Variants in MED27 observed in about 807,000 individuals in gnomAD.
MED27 encodes the protein mediator complex subunit 27.
Under a neutral mutation model 38.2 loss-of-function variants are expected in MED27, and 30 were observed. The observed-to-expected ratio is 0.79, with a 90% confidence interval of 0.59 to 1.07. MED27 has a LOEUF of 1.07. MED27 is among the 50% of genes least tolerant of loss of function. The pLI is 0.00. For missense variants in MED27, 289 were observed against 397.5 expected (o/e 0.73, Z 2.32); for synonymous variants, 122 against 153.5 (o/e 0.79, Z 1.52).
chr9:132,029,466 T>C (rs547875327), intron 2 of MED27, among the ~76,000 whole-genome samples: 8 of 152,182 alleles, frequency 5.3e-5, no homozygotes, highest in Non-Finnish European at 7.4e-5. Flanking sequence ...AAGAGGCCCA[T>C]ATATCACCAA....
chr9:131,896,193 G>A (rs942981655), intron 4 of MED27, among the ~76,000 whole-genome samples: 24 of 152,212 alleles, frequency 1.6e-4, no homozygotes, highest in African/African-American at 5.8e-4. Context: ...GAGCCACCAC[G>A]CCCGGCCAAG....
intron 2 of MED27, among the ~76,000 whole-genome samples, chr9:132,071,072 G>T (rs1415757707): frequency 3.3e-5 from 5 of 152,172 alleles, no homozygotes; most frequent in Non-Finnish European, 5.9e-5. Flanking sequence ...GCAGCCACTG[G>T]AGAGTACTGA....
Position 131,861,483 on chromosome 9 carries a change from C to T in MED27, c.802-811G>A, listed in dbSNP as rs547729310. On this transcript the variant is annotated intron_variant, in intron 7 of 7. Coordinates refer to ENST00000292035, the MANE Select transcript of MED27 (RefSeq NM_004269.4). The surrounding 1 kb of genome is among the most constrained non-coding windows in gnomAD (Gnocchi z 4.4). ...AAGAGGTTGGCCGAGCTTATTGATACACATTCTTCCATCTTCACCACAGCT... is the reference window on the plus strand; with the variant it reads ...AAGAGGTTGGCCGAGCTTATTGATATACATTCTTCCATCTTCACCACAGCT... 3.9e-5 allele frequency among the ~76,000 whole-genome samples: 6 copies of T among 152,342 alleles called. No individual in the cohort carries two copies. The highest frequency in any genetic ancestry group is 1.4e-4 in the African/African-American group (6 of 41,588).
intron 4 of MED27, among the ~76,000 whole-genome samples, chr9:131,906,407 G>A (rs1429927800): frequency 2.6e-5 from 4 of 152,194 alleles, no homozygotes; most frequent in African/African-American, 4.8e-5. Context: ...AGCACAGGCC[G>A]AGAGGGCAGC....
intron 4 of MED27, among the ~76,000 whole-genome samples, chr9:131,899,432 A>G (rs1480689282): frequency 1.3e-5 from 2 of 152,046 alleles, no homozygotes; most frequent in African/African-American, 4.8e-5. Context: ...TGGTGTGCAA[A>G]TCAATTGCTC....
intron 3 of MED27, among the ~76,000 whole-genome samples, chr9:131,991,968 G>A (rs1005753504): frequency 1.3e-5 from 2 of 152,152 alleles, no homozygotes; most frequent in African/African-American, 2.4e-5. Flanking sequence ...TGATCTGCCT[G>A]CCTCAGCCTC....
chr9:132,034,748 C>T (rs2131108494), intron 2 of MED27, among the ~76,000 whole-genome samples: 1 of 152,280 alleles, frequency 6.6e-6, no homozygotes, highest in South Asian at 2.1e-4. Context: ...GTGGCCTTCA[C>T]CTTCTCGACT....
At chr9:132,074,200 C>T (rs944928737) in intron 2 of MED27, among the ~76,000 whole-genome samples, 1 of 152,188 alleles carries the variant, frequency 6.6e-6, no homozygotes, top group African/African-American at 2.4e-5. Flanking sequence ...CAATTCAGTA[C>T]AGGAAAAGTG....
chr9:131,881,901 G>A (rs746107120), intron 6 of MED27, among the ~76,000 whole-genome samples: 5 of 142,408 alleles, frequency 3.5e-5, no homozygotes, highest in African/African-American at 7.7e-5. Context: ...GATTACAGGC[G>A]CCCGCCACCA....
intron 6 of MED27, 66 bp from the exon 7 acceptor site, chr9:131,863,206 C>T (rs2131445859): frequency 7.9e-7 from 1 of 1,265,582 alleles, no homozygotes; most frequent in South Asian, 1.2e-5. Context: ...ACAAGCAGGA[C>T]AAATGCACGC....
chr9:131,996,436 G>A (rs983451128), intron 3 of MED27, among the ~76,000 whole-genome samples: 1 of 152,186 alleles, frequency 6.6e-6, no homozygotes, highest in African/African-American at 2.4e-5. Context: ...TCAAAGGAGA[G>A]AGAGAACGAG....
intron 3 of MED27, among the ~76,000 whole-genome samples, chr9:131,960,455 A>G (rs1831192295): frequency 6.6e-6 from 1 of 152,178 alleles, no homozygotes; most frequent in Non-Finnish European, 1.5e-5. Context: ...ACAGTTCAAG[A>G]GCTAGGGACG....
At chr9:131,991,537 T>C (rs1257972320) in intron 3 of MED27, among the ~76,000 whole-genome samples, 1 of 152,218 alleles carries the variant, frequency 6.6e-6, no homozygotes, top group Non-Finnish European at 1.5e-5. Context: ...AGCTGTGATA[T>C]TTTTAATCTA....
At chr9:131,957,177 C>T (rs979151646) in intron 3 of MED27, among the ~76,000 whole-genome samples, 2 of 152,228 alleles carry the variant, frequency 1.3e-5, no homozygotes, top group East Asian at 1.9e-4. Context: ...AAGAATTCCA[C>T]TCCTAGATAT....
chr9:132,043,591 A>G (rs1833269201), intron 2 of MED27, among the ~76,000 whole-genome samples: 1 of 152,182 alleles, frequency 6.6e-6, no homozygotes, highest in African/African-American at 2.4e-5. Flanking sequence ...TAATTCCACT[A>G]TTACAGAGAT....
At chr9:131,954,926 T>C (rs1012632204) in intron 3 of MED27, among the ~76,000 whole-genome samples, 1 of 152,102 alleles carries the variant, frequency 6.6e-6, no homozygotes, top group Admixed American at 6.5e-5. Flanking sequence ...ACAGAACAAG[T>C]AGACAGAAAG....
chr9:131,993,025 G>A (rs918565932), intron 3 of MED27, among the ~76,000 whole-genome samples: 1 of 152,100 alleles, frequency 6.6e-6, no homozygotes, highest in African/African-American at 2.4e-5. Flanking sequence ...TGGGTGACCC[G>A]GGGTGCAAGC....
intron 2 of MED27, among the ~76,000 whole-genome samples, chr9:132,043,301 AT>A (rs541414244): frequency 0.039 from 5,024 of 128,176 alleles, 266 homozygotes; most frequent in African/African-American, 0.13. Flanking sequence ...TAAGGCTTCT[AT>A]TTTTTTTTTT....
intron 2 of MED27, among the ~76,000 whole-genome samples, chr9:132,038,780 T>C (rs990572273): frequency 2.6e-5 from 4 of 152,056 alleles, no homozygotes; most frequent in African/African-American, 9.7e-5. Flanking sequence ...GTGCCTGGAA[T>C]GGCTTTGAAT....
Sources: allele counts gnomAD v4.1 joint callset (sites outside exome capture counted in the v4.1 genomes callset), GRCh38; gene constraint gnomAD v4.1.1; non-coding constraint Gnocchi (gnomAD v3.1); transcripts MANE v1.5; gene names NCBI Gene and HGNC (gene_info 2026-07-23, HGNC 2026-07-21).